Variants in CACNA2D1 observed in about 807,000 individuals in gnomAD.
The protein encoded by CACNA2D1 is calcium voltage-gated channel auxiliary subunit alpha2delta 1.
Under a neutral mutation model 171.5 loss-of-function variants are expected in CACNA2D1, and 53 were observed. The ratio of observed to expected loss-of-function variants is 0.31; its 90% confidence interval spans 0.25 to 0.39. CACNA2D1 has a LOEUF of 0.39. CACNA2D1 is among the 10% of genes least tolerant of loss of function. The pLI, the probability that CACNA2D1 is intolerant of heterozygous loss-of-function variation, is 1.00. For synonymous variants in CACNA2D1, 442 were observed against 443.1 expected, an observed-to-expected ratio of 1.00 and a Z score of 0.03; for missense variants, 903 against 1,299.8, an observed-to-expected ratio of 0.69 and a Z score of 4.69.
chr7:82,399,642 T>C (rs1054940503), intron 1 of CACNA2D1, among the ~76,000 whole-genome samples: 1 of 152,132 alleles, frequency 6.6e-6, no homozygotes, highest in South Asian at 2.1e-4. Context: ...TTCCTTTTTA[T>C]AAACAGATAA....
intron 12 of CACNA2D1, among the ~76,000 whole-genome samples, chr7:82,016,622 C>CAAAAAA (rs774063245): frequency 8.9e-6 from 1 of 112,450 alleles, no homozygotes; most frequent in African/African-American, 3.0e-5. Context: ...CCCCCCCCCC[C>CAAAAAA]AAAAAAAAAG....
intron 3 of CACNA2D1, among the ~76,000 whole-genome samples, chr7:82,175,272 C>T (rs1343807625): frequency 2.0e-5 from 3 of 151,910 alleles, no homozygotes; most frequent in Non-Finnish European, 2.9e-5. Flanking sequence ...TTACAGACAC[C>T]ATTTAAACAA....
chr7:82,243,167 A>C (rs866112313), intron 3 of CACNA2D1, among the ~76,000 whole-genome samples: 3 of 152,284 alleles, frequency 2.0e-5, no homozygotes, highest in Middle Eastern at 3.4e-3. Flanking sequence ...CAAGCCTTTA[A>C]AGATGGTGTA....
chr7:82,268,718 C>G (rs973789631), intron 3 of CACNA2D1, among the ~76,000 whole-genome samples: 82 of 94,178 alleles, frequency 8.7e-4, no homozygotes, highest in Non-Finnish European at 1.4e-3. Flanking sequence ...TGAGAGATAC[C>G]TGAGACCAAA....
intron 12 of CACNA2D1, among the ~76,000 whole-genome samples, chr7:82,026,273 T>A (rs540886958): frequency 1.3e-5 from 2 of 151,764 alleles, no homozygotes; most frequent in South Asian, 4.1e-4. Context: ...TTTAATTCAT[T>A]TACATTTAAA....
intron 2 of CACNA2D1, among the ~76,000 whole-genome samples, chr7:82,335,774 A>G (rs1817923588): frequency 6.6e-6 from 1 of 152,232 alleles, no homozygotes; most frequent in Non-Finnish European, 1.5e-5. Flanking sequence ...GAAGAGATGA[A>G]GGTCATTAAG....
In CACNA2D1 at chr7:82,247,319, G is replaced by A. The variant is rs548446499; in HGVS notation, c.295-76710C>T. ...GAGGCCAGAAGCTTAAAACCAGCCT[G>A]GGCAACATGGCAAAACCCTGTCTCT... On this transcript the variant is annotated intron_variant, in intron 3 of 38. Transcript: ENST00000356860. Among the ~76,000 whole-genome samples, 3 of 152,064 alleles carry A rather than the reference G, an allele frequency of 2.0e-5. No individual in the cohort carries two copies. In the East Asian group the frequency reaches 5.8e-4, roughly 30 times the overall value.
rs1471533081 is a variant in CACNA2D1 at position 81,949,325 on chromosome 7, T to C, written c.*1067A>G. The stretch of plus-strand genomic sequence containing the variant: ...AACCCCAATCATTCAGCATTTACAT[T>C]GCACAGTATATTCAGAGTAGTTTAA... On this transcript the variant is annotated 3_prime_UTR_variant, in exon 39 of 39. Coordinates refer to ENST00000356860, the MANE Select transcript of CACNA2D1 (RefSeq NM_000722.4). 6.6e-6 allele frequency: 1 copy of C among 152,084 alleles called. No homozygotes were observed. 9.4% of individuals were successfully genotyped at this position (152,084 alleles called of 1,614,324 possible).
At chr7:81,990,601 C>A (rs1434636732) in intron 21 of CACNA2D1, among the ~76,000 whole-genome samples, 1 of 151,884 alleles carries the variant, frequency 6.6e-6, no homozygotes, top group Non-Finnish European at 1.5e-5. Flanking sequence ...CCTCAGTATT[C>A]TAAAGACTTC....
intron 3 of CACNA2D1, among the ~76,000 whole-genome samples, chr7:82,207,660 C>T (rs1012878920): frequency 6.6e-6 from 1 of 152,068 alleles, no homozygotes; most frequent in African/African-American, 2.4e-5. Flanking sequence ...AATGAGGCCA[C>T]ATAGTCACCT....
chr7:82,251,072 ATCT>A (rs931477794), intron 3 of CACNA2D1, among the ~76,000 whole-genome samples: 1 of 152,180 alleles, frequency 6.6e-6, no homozygotes, highest in Non-Finnish European at 1.5e-5. Context: ...GTATTCAAAA[ATCT>A]TCTTTAAGCA....
chr7:82,367,180 G>T (rs1483127025), intron 1 of CACNA2D1, among the ~76,000 whole-genome samples: 1 of 151,918 alleles, frequency 6.6e-6, no homozygotes, highest in Non-Finnish European at 1.5e-5. Flanking sequence ...AAAGGGGTAG[G>T]ATTACAGCAT....
intron 10 of CACNA2D1, among the ~76,000 whole-genome samples, chr7:82,043,646 C>A (rs1485599173): frequency 6.6e-6 from 1 of 152,128 alleles, no homozygotes; most frequent in African/African-American, 2.4e-5. Context: ...TGAAATAACC[C>A]AAGCTTTTGG....
At chr7:81,987,384 T>C (rs758276014) in intron 21 of CACNA2D1, among the ~76,000 whole-genome samples, 1 of 152,192 alleles carries the variant, frequency 6.6e-6, no homozygotes, top group South Asian at 2.1e-4. Context: ...AGATGAATAG[T>C]ATAGCCCAGG....
At chr7:82,060,621 C>T in intron 9 of CACNA2D1, 94 bp from the exon 10 acceptor site, 1 of 683,014 alleles carries the variant, frequency 1.5e-6, no homozygotes, top group Non-Finnish European at 2.5e-6. Context: ...GACCCTAGAT[C>T]TTTTATATAT....
intron 5 of CACNA2D1, among the ~76,000 whole-genome samples, chr7:82,121,099 C>T (rs1421334942): frequency 6.6e-6 from 1 of 151,926 alleles, no homozygotes; most frequent in African/African-American, 2.4e-5. Flanking sequence ...TGCTCTCTTC[C>T]CCAGCCTGGA....
At chr7:82,217,966 G>A (rs111941520) in intron 3 of CACNA2D1, among the ~76,000 whole-genome samples, 39,750 of 144,596 alleles carry the variant, frequency 0.27, 6,448 homozygotes, top group Middle Eastern at 0.38. Context: ...AGGGAGTCTC[G>A]CCCTGTCGCT....
At chr7:82,414,806 C>T (rs562974154) in intron 1 of CACNA2D1, among the ~76,000 whole-genome samples, 1 of 152,176 alleles carries the variant, frequency 6.6e-6, no homozygotes, top group Non-Finnish European at 1.5e-5. Context: ...TCCATACACC[C>T]TAGAAGTGGA....
intron 3 of CACNA2D1, among the ~76,000 whole-genome samples, chr7:82,279,938 C>T (rs1198880349): frequency 2.0e-5 from 3 of 152,174 alleles, no homozygotes; most frequent in East Asian, 1.9e-4. Flanking sequence ...GTGATCAAAA[C>T]TAATTGGACC....
Sources: gnomAD v4.1 joint callset for allele counts (sites outside exome capture counted in the v4.1 genomes callset) on GRCh38, gnomAD v4.1.1 for gene constraint, MANE v1.5 for transcripts, NCBI Gene and HGNC (gene_info 2026-07-23, HGNC 2026-07-21) for gene names.